GABRG3: variants seen among roughly 807,000 people sequenced by gnomAD.
GABRG3 encodes the protein gamma-aminobutyric acid type A receptor subunit gamma3.
Under a neutral mutation model 48.8 loss-of-function variants are expected in GABRG3, and 25 were observed. The observed-to-expected ratio is 0.51, with a 90% confidence interval of 0.37 to 0.72. The LOEUF is 0.72. Among genes scored for constraint, GABRG3 ranks in the 30% least tolerant of loss-of-function variants. The pLI is 0.00. For synonymous variants in GABRG3, 227 were observed against 217.6 expected, an observed-to-expected ratio of 1.04 and a Z score of -0.38; for missense variants, 394 against 577.9, an observed-to-expected ratio of 0.68 and a Z score of 3.26.
In GABRG3 at chr15:27,488,991, G is replaced by T. The variant is rs192933905; in HGVS notation, c.712+8204G>T. Among the ~76,000 whole-genome samples, 236 of 152,144 alleles carry T rather than the reference G, an allele frequency of 1.6e-3. 2 individuals carry two copies. The highest frequency in any genetic ancestry group is 5.4e-3 in the African/African-American group (224 of 41,508). On this transcript the variant is annotated intron_variant, in intron 6 of 9. Transcript: ENST00000615808. ...GTTTGCTGCACCCATCAACCTGTCA[G>T]CTACATTAGGTATTTCTCCTAATGC...
At chr15:27,328,228 C>A (rs1893686403) in intron 4 of GABRG3, among the ~76,000 whole-genome samples, 1 of 152,034 alleles carries the variant, frequency 6.6e-6, no homozygotes, top group Non-Finnish European at 1.5e-5. Context: ...TAAAGCCATA[C>A]ACCGGAGACT....
intron 2 of GABRG3, among the ~76,000 whole-genome samples, chr15:26,983,110 G>A (rs1160193360): frequency 6.6e-6 from 1 of 151,260 alleles, no homozygotes; most frequent in African/African-American, 2.4e-5. Flanking sequence ...CTTTAAAAGA[G>A]AACTTCCTAT....
At chr15:27,190,789 T>G (rs1180955399) in intron 3 of GABRG3, among the ~76,000 whole-genome samples, 2 of 152,104 alleles carry the variant, frequency 1.3e-5, no homozygotes. Context: ...TGTTTGCTCT[T>G]GCTTTTCTAG....
chr15:27,250,720 A>C (rs945421196), intron 3 of GABRG3, among the ~76,000 whole-genome samples: 3 of 152,162 alleles, frequency 2.0e-5, no homozygotes, highest in African/African-American at 7.2e-5. Context: ...AGCCACCGCG[A>C]CTAGCCTCAG....
chr15:27,500,380 T>C (rs970024728), intron 6 of GABRG3, among the ~76,000 whole-genome samples: 2 of 152,028 alleles, frequency 1.3e-5, no homozygotes, highest in Non-Finnish European at 2.9e-5. Flanking sequence ...CTGACTTCCC[T>C]CCTGCTCCAC....
intron 3 of GABRG3, among the ~76,000 whole-genome samples, chr15:27,063,949 A>G (rs999974606): frequency 3.3e-5 from 5 of 152,204 alleles, no homozygotes; most frequent in South Asian, 4.1e-4. Context: ...CAGGGTTGAC[A>G]TGAAACCCAC....
At chr15:27,107,605 G>C (rs1289876899) in intron 3 of GABRG3, among the ~76,000 whole-genome samples, 1 of 151,960 alleles carries the variant, frequency 6.6e-6, no homozygotes, top group Admixed American at 6.6e-5. Context: ...ACAGTTTATA[G>C]AATATTGGTA....
chr15:27,345,967 C>G lies in GABRG3; in HGVS notation c.574+17079C>G, dbSNP rs531351517. Among the ~76,000 whole-genome samples the G allele has an allele frequency of 7.3e-5, 11 of 150,978 alleles. 1 individual carries two copies. The South Asian group carries it at 2.3e-3, about 32-fold the overall frequency. On this transcript the variant is annotated intron_variant, in intron 5 of 9. Coordinates refer to ENST00000615808, the MANE Select transcript of GABRG3 (RefSeq NM_033223.5). ...ACCCAGGAGGCTGAGGCACAAGAAT[C>G]ACTTGGAACCCAGGAGGTGGAGGTT...
intron 5 of GABRG3, among the ~76,000 whole-genome samples, chr15:27,479,838 G>C (rs2150844523): frequency 6.6e-6 from 1 of 152,340 alleles, no homozygotes; most frequent in Middle Eastern, 3.4e-3. Context: ...AGTAAAAAGA[G>C]AGCAGGTGCA....
chr15:27,288,026 C>T (rs560286788), intron 3 of GABRG3, among the ~76,000 whole-genome samples: 90 of 152,170 alleles, frequency 5.9e-4, no homozygotes, highest in African/African-American at 1.9e-3. Context: ...TGTGAGCCAC[C>T]GTGCCTGGCC....
chr15:27,307,393 A>AGGTT (rs1491090756), intron 3 of GABRG3, among the ~76,000 whole-genome samples: 1 of 37,010 alleles, frequency 2.7e-5, no homozygotes, highest in Non-Finnish European at 7.3e-5. Flanking sequence ...ATATATAACC[A>AGGTT]TATAGGTTTA....
intron 6 of GABRG3, among the ~76,000 whole-genome samples, chr15:27,504,300 T>C (rs1432869090): frequency 6.6e-6 from 1 of 152,158 alleles, no homozygotes; most frequent in Non-Finnish European, 1.5e-5. Context: ...CCTCTTCTTC[T>C]ACCTTCTTTC....
At position 27,058,150 on chromosome 15, in the gene GABRG3, G is replaced by A. The variant is rs369224770; in HGVS notation, c.270+31329G>A. Reference sequence around the variant, plus strand: ...TAAAGTCCTGTCTTACTGGACTCCTGTGATGACTCACTATGATAACGCATC... The same window carrying A: ...TAAAGTCCTGTCTTACTGGACTCCTATGATGACTCACTATGATAACGCATC... On this transcript the variant is annotated intron_variant, in intron 3 of 9. Transcript: ENST00000615808. 2.2e-4 allele frequency among the ~76,000 whole-genome samples: 33 copies of A among 152,324 alleles called. No individual in the cohort carries two copies. In the South Asian group the frequency reaches 6.8e-3, roughly 32 times the overall value.
At chr15:27,321,999 C>T (rs538865379) in intron 3 of GABRG3, among the ~76,000 whole-genome samples, 8 of 152,290 alleles carry the variant, frequency 5.3e-5, no homozygotes, top group Admixed American at 4.6e-4. Flanking sequence ...TTGGAGGGTC[C>T]GCATGAGTTT....
chr15:27,508,961 C>G (rs769318453), intron 6 of GABRG3, among the ~76,000 whole-genome samples: 1 of 152,190 alleles, frequency 6.6e-6, no homozygotes, highest in East Asian at 1.9e-4. Context: ...CCTCCTGATC[C>G]GCCCGCCTTG....
chr15:27,257,064 C>T (rs1890642497), intron 3 of GABRG3, among the ~76,000 whole-genome samples: 2 of 152,218 alleles, frequency 1.3e-5, no homozygotes, highest in South Asian at 4.1e-4. Flanking sequence ...CTTTTTACCA[C>T]ATCCTTGCCA....
chr15:27,114,230 A>G (rs1325584161), intron 3 of GABRG3, among the ~76,000 whole-genome samples: 2 of 152,218 alleles, frequency 1.3e-5, no homozygotes, highest in East Asian at 3.9e-4. Context: ...TTTCTACCAA[A>G]TAGTATTTAG....
intron 3 of GABRG3, among the ~76,000 whole-genome samples, chr15:27,139,750 G>C (rs1898071116): frequency 6.6e-6 from 1 of 152,134 alleles, no homozygotes; most frequent in East Asian, 1.9e-4. Context: ...TGTTTTGTAT[G>C]CTAATGAGCT....
At chr15:27,101,687 A>G (rs763203960) in intron 3 of GABRG3, among the ~76,000 whole-genome samples, 2 of 152,120 alleles carry the variant, frequency 1.3e-5, no homozygotes, top group Non-Finnish European at 2.9e-5. Flanking sequence ...GGAAGAAGGC[A>G]CTGGAACAAC....
Sources: gnomAD v4.1 joint callset for allele counts (sites outside exome capture counted in the v4.1 genomes callset) on GRCh38, gnomAD v4.1.1 for gene constraint, MANE v1.5 for transcripts, NCBI Gene and HGNC (gene_info 2026-07-23, HGNC 2026-07-21) for gene names.